Variants in SPMIP4 observed in about 807,000 individuals in gnomAD.
The protein encoded by SPMIP4 is sperm microtubule inner protein 4.
chr7:25,155,156 G>C, the SPMIP4 span: 1 of 1,585,238 alleles, frequency 6.3e-7, no homozygotes, highest in Admixed American at 1.8e-5. Flanking sequence ...TGTGTGTGTG[G>C]TAGGGGTGTT....
chr7:25,152,474 T>C, the SPMIP4 span, among the ~76,000 whole-genome samples: 1 of 152,280 alleles, frequency 6.6e-6, no homozygotes, highest in South Asian at 2.1e-4. Flanking sequence ...CACTGTACTG[T>C]TTTATATACA....
chr7:25,172,854 G>A, the SPMIP4 span, among the ~76,000 whole-genome samples: 2 of 152,122 alleles, frequency 1.3e-5, no homozygotes, highest in South Asian at 2.1e-4. This position sits in a 1 kb window ranked among gnomAD's most constrained non-coding sequence, Gnocchi z 4.2. Flanking sequence ...ATGTAGACAA[G>A]GGCCATGGTG....
At chr7:25,176,961 A>G in the SPMIP4 span, among the ~76,000 whole-genome samples, 1 of 152,388 alleles carries the variant, frequency 6.6e-6, no homozygotes, top group South Asian at 2.1e-4. This position sits in a 1 kb window ranked among gnomAD's most constrained non-coding sequence, Gnocchi z 4.4. Flanking sequence ...TCTGGCAAAC[A>G]GAATTCTCAC....
chr7:25,136,087 G>T, the SPMIP4 span: 1 of 1,614,134 alleles, frequency 6.2e-7, no homozygotes, highest in Non-Finnish European at 8.5e-7. The surrounding 1 kb of genome is among the most constrained non-coding windows in gnomAD (Gnocchi z 5.7). Context: ...ACGCTTTTGT[G>T]CACCAGTTTT....
chr7:25,149,561 T>C, the SPMIP4 span, among the ~76,000 whole-genome samples: 10 of 152,122 alleles, frequency 6.6e-5, no homozygotes, highest in Admixed American at 1.3e-4. Context: ...AATAAATAAA[T>C]AAATCAGCCA....
the SPMIP4 span, among the ~76,000 whole-genome samples, chr7:25,160,260 T>TTATATAATAAATAATGTAACTTAATAA: frequency 6.6e-6 from 1 of 151,242 alleles, no homozygotes; most frequent in Admixed American, 6.6e-5. Flanking sequence ...AAAGAAGTGA[T>TTATATAATAAATAATGTAACTTAATAA]AGTTCCATTA....
the SPMIP4 span, among the ~76,000 whole-genome samples, chr7:25,178,357 G>T: frequency 6.6e-6 from 1 of 152,192 alleles, no homozygotes; most frequent in Admixed American, 6.5e-5. Context: ...TAATGGGATT[G>T]CTGGGTCAAA....
chr7:25,140,732 C>T, the SPMIP4 span, among the ~76,000 whole-genome samples: 3 of 151,280 alleles, frequency 2.0e-5, no homozygotes, highest in Admixed American at 6.6e-5. Flanking sequence ...GGATTACAGG[C>T]GCCCACCACC....
At chr7:25,174,553 C>G in the SPMIP4 span, among the ~76,000 whole-genome samples, 1 of 152,068 alleles carries the variant, frequency 6.6e-6, no homozygotes, top group African/African-American at 2.4e-5. The surrounding 1 kb of genome is among the most constrained non-coding windows in gnomAD (Gnocchi z 4.5). Context: ...AAACATGACC[C>G]GCATTTTTAG....
At chr7:25,132,895 T>C in the SPMIP4 span, among the ~76,000 whole-genome samples, 1 of 152,212 alleles carries the variant, frequency 6.6e-6, no homozygotes, top group African/African-American at 2.4e-5. This position sits in a 1 kb window ranked among gnomAD's most constrained non-coding sequence, Gnocchi z 5.0. Flanking sequence ...GGAAGGGTTT[T>C]AGGCCAGAAT....
chr7:25,171,250 T>C, the SPMIP4 span, among the ~76,000 whole-genome samples: 1 of 152,196 alleles, frequency 6.6e-6, no homozygotes, highest in African/African-American at 2.4e-5. Context: ...TTTACTCTGC[T>C]TTTTCTTAAC....
chr7:25,169,863 C>T, the SPMIP4 span, among the ~76,000 whole-genome samples: 1 of 152,230 alleles, frequency 6.6e-6, no homozygotes, highest in Non-Finnish European at 1.5e-5. Flanking sequence ...AGGCGTGAGT[C>T]ACTGTGCCCA....
the SPMIP4 span, among the ~76,000 whole-genome samples, chr7:25,150,841 G>A: frequency 6.6e-6 from 1 of 152,222 alleles, no homozygotes; most frequent in Non-Finnish European, 1.5e-5. Context: ...GTTAAATGAT[G>A]TATTTAGAGT....
the SPMIP4 span, among the ~76,000 whole-genome samples, chr7:25,165,773 G>A: frequency 2.8e-3 from 429 of 152,316 alleles, no homozygotes; most frequent in African/African-American, 9.8e-3. Context: ...TGTGGCATTC[G>A]CCATTTCCTA....
chr7:25,144,189 A>G, the SPMIP4 span, among the ~76,000 whole-genome samples: 1 of 152,228 alleles, frequency 6.6e-6, no homozygotes, highest in Non-Finnish European at 1.5e-5. Context: ...GAAAGTACAA[A>G]TGGAAGTCTG....
chr7:25,136,002 A>G, the SPMIP4 span: 1 of 1,609,872 alleles, frequency 6.2e-7, no homozygotes, highest in Non-Finnish European at 8.5e-7. This position sits in a 1 kb window ranked among gnomAD's most constrained non-coding sequence, Gnocchi z 5.7. Flanking sequence ...AATTATGGCC[A>G]TAGAATTGGT....
the SPMIP4 span, chr7:25,142,750 G>A: frequency 6.3e-7 from 1 of 1,598,582 alleles, no homozygotes; most frequent in East Asian, 2.2e-5. Context: ...AGAAGTGTTA[G>A]GAGCGAAGGT....
At chr7:25,129,042 TCTC>T in the SPMIP4 span, among the ~76,000 whole-genome samples, 2 of 152,070 alleles carry the variant, frequency 1.3e-5, no homozygotes, top group African/African-American at 2.4e-5. Context: ...TCCCCTCTCT[TCTC>T]CTCAAGTGGT....
chr7:25,136,041 G>A, the SPMIP4 span: 2 of 1,614,028 alleles, frequency 1.2e-6, no homozygotes, highest in African/African-American at 2.7e-5. This position sits in a 1 kb window ranked among gnomAD's most constrained non-coding sequence, Gnocchi z 5.7. Flanking sequence ...CATTATCCCT[G>A]AGGTCTTTAT....
Sources: allele counts gnomAD v4.1 joint callset (sites outside exome capture counted in the v4.1 genomes callset), GRCh38; gene constraint gnomAD v4.1.1; non-coding constraint Gnocchi (gnomAD v3.1); transcripts MANE v1.5; gene names NCBI Gene and HGNC (gene_info 2026-07-23, HGNC 2026-07-21).